Variants in KPNA3 observed in about 807,000 individuals in gnomAD.
The protein encoded by KPNA3 is importin subunit alpha-4.
Under a neutral mutation model 73.8 loss-of-function variants are expected in KPNA3, and 13 were observed. The observed-to-expected ratio is 0.18, with a 90% CI of 0.11 to 0.28. KPNA3 has a LOEUF of 0.28. Among genes scored for constraint, KPNA3 ranks in the 10% least tolerant of loss-of-function variants. The pLI is 1.00. For missense variants in KPNA3, 360 were observed against 618.1 expected (o/e 0.58, Z 4.43); for synonymous variants, 186 against 206.9 (o/e 0.90, Z 0.87).
At chr13:49,719,842 A>G in intron 9 of KPNA3, 23 bp from the exon 10 acceptor site, 1 of 1,456,408 alleles carries the variant, frequency 6.9e-7, no homozygotes, top group South Asian at 1.2e-5. Context: ...AATAAACAAT[A>G]CTTAACATTA....
intron 1 of KPNA3, among the ~76,000 whole-genome samples, chr13:49,762,807 T>G (rs1350723827): frequency 6.6e-6 from 1 of 151,712 alleles, no homozygotes; most frequent in African/African-American, 2.4e-5. Flanking sequence ...CCTCCACTAT[T>G]GTCCTATGAC....
At chr13:49,760,414 CAA>C (rs1365099527) in intron 1 of KPNA3, among the ~76,000 whole-genome samples, 8 of 60,136 alleles carry the variant, frequency 1.3e-4, no homozygotes, top group East Asian at 4.6e-4. Flanking sequence ...GATCCCATCT[CAA>C]AAAAAAAAAA....
rs543421978 is a variant in KPNA3, at chr13:49,715,865, C to G, written c.771+3910G>C. Among the ~76,000 whole-genome samples, 48 of 152,302 alleles carry G rather than the reference C, an allele frequency of 3.2e-4. No homozygotes were observed. The South Asian group carries it at 9.5e-3, about 30-fold the overall frequency. ...CATTGGTATAATACTTTTACATTTG[C>G]AAAATTCAGGAAATGGCCTAAATGC... On this transcript the variant is annotated intron_variant, in intron 10 of 16. Transcript: ENST00000261667.
At chr13:49,761,706 T>A (rs1246634590) in intron 1 of KPNA3, among the ~76,000 whole-genome samples, 8 of 151,406 alleles carry the variant, frequency 5.3e-5, no homozygotes, top group Admixed American at 3.3e-4. Flanking sequence ...GCCCATCGTC[T>A]GGGATGTGAG....
intron 2 of KPNA3, among the ~76,000 whole-genome samples, chr13:49,745,663 G>A (rs1215336772): frequency 6.6e-6 from 1 of 151,596 alleles, no homozygotes; most frequent in East Asian, 1.9e-4. Context: ...AGCCCAAGAT[G>A]GTAATTCAAT....
chr13:49,791,071 T>C (rs1955029030), intron 1 of KPNA3, among the ~76,000 whole-genome samples: 1 of 152,216 alleles, frequency 6.6e-6, no homozygotes, highest in Non-Finnish European at 1.5e-5. Context: ...GAATATATGA[T>C]CTTTATTTGA....
chr13:49,700,296 C>A lies in KPNA3; in HGVS notation c.*1504G>T, dbSNP rs763392276. ...TCTCATCTTCATCACAGTAAATACACCCCCCAATGGATAACTAAATTAGTT... is the reference window on the plus strand; with the variant it reads ...TCTCATCTTCATCACAGTAAATACAACCCCCAATGGATAACTAAATTAGTT... On this transcript the variant is annotated 3_prime_UTR_variant, in exon 17 of 17. Transcript: ENST00000261667. The A allele has an allele frequency of 6.5e-6, 1 of 152,684 alleles. No homozygotes were observed. Among genetic ancestry groups the A allele is most frequent in the African/African-American group, 2.4e-5 (1 of 41,558 alleles). The allele number at this position is 152,684 out of a possible 1,614,324, so 9.5% of individuals were successfully genotyped here.
chr13:49,707,816 T>G (rs1209786353), intron 12 of KPNA3, among the ~76,000 whole-genome samples: 2 of 152,100 alleles, frequency 1.3e-5, no homozygotes, highest in Admixed American at 1.3e-4. Context: ...ATAAAATGTG[T>G]TTTTTGACAC....
chr13:49,718,267 T>C (rs140997011), intron 10 of KPNA3, among the ~76,000 whole-genome samples: 266 of 152,362 alleles, frequency 1.7e-3, no homozygotes, highest in African/African-American at 5.8e-3. Context: ...TTAACTCTTT[T>C]TACATCTTTA....
intron 6 of KPNA3, among the ~76,000 whole-genome samples, chr13:49,730,467 C>A (rs1954452100): frequency 8.9e-6 from 1 of 112,700 alleles, no homozygotes; most frequent in Non-Finnish European, 1.6e-5. Context: ...TTGCAGTGAG[C>A]CAAGATTGCA....
At chr13:49,783,450 G>C (rs1319227318) in intron 1 of KPNA3, among the ~76,000 whole-genome samples, 1 of 152,072 alleles carries the variant, frequency 6.6e-6, no homozygotes, top group African/African-American at 2.4e-5. Flanking sequence ...CCTCGGGGGG[G>C]TTGGCTCCAG....
chr13:49,758,858 G>A (rs1309437014), intron 1 of KPNA3, among the ~76,000 whole-genome samples: 2 of 151,910 alleles, frequency 1.3e-5, no homozygotes, highest in Non-Finnish European at 2.9e-5. Flanking sequence ...TATCTCCAAC[G>A]CCTAGAAACA....
At chr13:49,776,419 ATTC>A (rs1954898638) in intron 1 of KPNA3, among the ~76,000 whole-genome samples, 1 of 152,230 alleles carries the variant, frequency 6.6e-6, no homozygotes, top group Non-Finnish European at 1.5e-5. Flanking sequence ...AAGAGAATTT[ATTC>A]TTATTATACA....
At chr13:49,726,928 G>C (rs780208567) in intron 6 of KPNA3, among the ~76,000 whole-genome samples, 18 of 152,040 alleles carry the variant, frequency 1.2e-4, no homozygotes, top group Non-Finnish European at 2.6e-4. Flanking sequence ...ACTCCAGCCT[G>C]GGTGACAGAG....
intron 6 of KPNA3, among the ~76,000 whole-genome samples, chr13:49,731,524 C>G (rs942380860): frequency 3.9e-5 from 6 of 151,996 alleles, no homozygotes; most frequent in African/African-American, 1.2e-4. Context: ...TGGCACACAA[C>G]GAAAGCAAAT....
chr13:49,719,302 C>A (rs1473222791), intron 10 of KPNA3, among the ~76,000 whole-genome samples: 1 of 152,082 alleles, frequency 6.6e-6, no homozygotes, highest in Non-Finnish European at 1.5e-5. Context: ...GTACCCAAGA[C>A]CTGTTATGAG....
chr13:49,727,723 T>G (rs1196171558), intron 6 of KPNA3, among the ~76,000 whole-genome samples: 5 of 152,126 alleles, frequency 3.3e-5, no homozygotes, highest in African/African-American at 4.8e-5. Context: ...GAACATGATC[T>G]AGTTTGAGGC....
intron 1 of KPNA3, among the ~76,000 whole-genome samples, chr13:49,779,756 T>C (rs2137602398): frequency 6.6e-6 from 1 of 152,322 alleles, no homozygotes; most frequent in East Asian, 1.9e-4. Context: ...CTAGTCTAAA[T>C]AGCTCAACTC....
chr13:49,739,338 A>G (rs1954552399), intron 2 of KPNA3, among the ~76,000 whole-genome samples: 1 of 152,232 alleles, frequency 6.6e-6, no homozygotes, highest in Non-Finnish European at 1.5e-5. Flanking sequence ...ACGAAGCATT[A>G]TTCAACCAAC....
Sources: gnomAD v4.1 joint callset for allele counts (sites outside exome capture counted in the v4.1 genomes callset) on GRCh38, gnomAD v4.1.1 for gene constraint, MANE v1.5 for transcripts, NCBI Gene and HGNC (gene_info 2026-07-23, HGNC 2026-07-21) for gene names.